MYO1D: variants seen among roughly 807,000 people sequenced by gnomAD.
MYO1D encodes the protein myosin ID.
In MYO1D, 83 loss-of-function variants were observed where a neutral mutation model predicts 122.0. The observed-to-expected ratio is 0.68, with a 90% CI of 0.57 to 0.82. The LOEUF (loss-of-function observed/expected upper bound fraction) is 0.82. Among genes scored for constraint, MYO1D ranks in the 40% least tolerant of loss-of-function variants. The pLI is 0.00. For synonymous variants in MYO1D, 464 were observed against 446.9 expected, an observed-to-expected ratio of 1.04 and a Z score of -0.48; for missense variants, 1,157 against 1,269.5, an observed-to-expected ratio of 0.91 and a Z score of 1.35.
chr17:32,688,942 T>G (rs2089058767), intron 16 of MYO1D, among the ~76,000 whole-genome samples: 1 of 151,880 alleles, frequency 6.6e-6, no homozygotes. Context: ...TGTGTGTGTG[T>G]GTGTGTATGT....
At chr17:32,792,721 T>A (rs76053970) in intron 1 of MYO1D, 1 of 152,254 alleles carries the variant, frequency 6.6e-6, no homozygotes, top group Admixed American at 6.5e-5. Flanking sequence ...TAGCTCACTG[T>A]AACTTCAAAC....
At chr17:32,589,185 C>T (rs2087416637) in intron 21 of MYO1D, among the ~76,000 whole-genome samples, 1 of 152,190 alleles carries the variant, frequency 6.6e-6, no homozygotes, top group Non-Finnish European at 1.5e-5. Context: ...CACAAGGTGG[C>T]CGGCCTCGTG....
chr17:32,571,139 C>T (rs1035107844), intron 21 of MYO1D, among the ~76,000 whole-genome samples: 15 of 152,002 alleles, frequency 9.9e-5, no homozygotes, highest in Non-Finnish European at 2.9e-5. Flanking sequence ...ACCACTGGTG[C>T]TAGAGTAGGT....
In MYO1D at chr17:32,675,948, T is replaced by C. The variant is rs144103406; in HGVS notation, c.2122-16610A>G. 3.4e-3 allele frequency among the ~76,000 whole-genome samples: 514 copies of C among 152,326 alleles called. 3 individuals carry two copies. The highest frequency in any genetic ancestry group is 0.012 in the African/African-American group (486 of 41,586). On this transcript the variant is annotated intron_variant, in intron 16 of 21. Coordinates refer to ENST00000318217, the MANE Select transcript of MYO1D (RefSeq NM_015194.3). ...TTGATATATCAGAAATATTTTCCCA[T>C]GTGATCAAATATCCTCCTATGATGT...
intron 17 of MYO1D, 69 bp from the exon 18 acceptor site, chr17:32,654,690 T>C: frequency 7.1e-7 from 1 of 1,409,338 alleles, no homozygotes; most frequent in Non-Finnish European, 9.4e-7. Context: ...CTCTCTTTTT[T>C]TTTTTCTTTT....
intron 21 of MYO1D, among the ~76,000 whole-genome samples, chr17:32,538,064 C>T (rs1285644276): frequency 6.6e-6 from 1 of 152,050 alleles, no homozygotes; most frequent in Non-Finnish European, 1.5e-5. Flanking sequence ...AACTGGGAAG[C>T]TCCTTACTCT....
At chr17:32,661,080 A>G (rs1368440256) in intron 16 of MYO1D, among the ~76,000 whole-genome samples, 2 of 152,172 alleles carry the variant, frequency 1.3e-5, no homozygotes, top group Admixed American at 6.5e-5. Context: ...TCTTTAGCAA[A>G]TTGAAAAAAA....
intron 21 of MYO1D, among the ~76,000 whole-genome samples, chr17:32,541,844 G>C (rs935386034): frequency 5.3e-5 from 8 of 151,772 alleles, no homozygotes; most frequent in African/African-American, 1.7e-4. Context: ...GTGCTTCCCC[G>C]CCCCACCCCC....
chr17:32,534,760 C>G (rs1386276350), intron 21 of MYO1D, among the ~76,000 whole-genome samples: 1 of 152,122 alleles, frequency 6.6e-6, no homozygotes, highest in Non-Finnish European at 1.5e-5. Context: ...GCTTCCATTA[C>G]TGAAGAAATC....
intron 21 of MYO1D, among the ~76,000 whole-genome samples, chr17:32,591,298 G>A (rs769065562): frequency 2.0e-5 from 3 of 152,246 alleles, no homozygotes; most frequent in Non-Finnish European, 4.4e-5. Context: ...TTTGTGTATA[G>A]CAGGTGGGAC....
At chr17:32,587,453 A>G (rs1360392532) in intron 21 of MYO1D, among the ~76,000 whole-genome samples, 1 of 151,464 alleles carries the variant, frequency 6.6e-6, no homozygotes, top group Non-Finnish European at 1.5e-5. Flanking sequence ...TGGGGGTTGC[A>G]GTGAGCCAAG....
At chr17:32,608,845 G>A (rs2087663087) in intron 20 of MYO1D, among the ~76,000 whole-genome samples, 1 of 152,160 alleles carries the variant, frequency 6.6e-6, no homozygotes, top group Non-Finnish European at 1.5e-5. Flanking sequence ...ACAGATTACT[G>A]ACATGCAACA....
At chr17:32,817,007 T>C (rs1567656020) in intron 1 of MYO1D, among the ~76,000 whole-genome samples, 1 of 152,228 alleles carries the variant, frequency 6.6e-6, no homozygotes, top group Non-Finnish European at 1.5e-5. Context: ...TAACTACTTG[T>C]ACCTCAAATT....
intron 21 of MYO1D, among the ~76,000 whole-genome samples, chr17:32,565,008 T>C (rs1489991424): frequency 1.5e-5 from 2 of 129,584 alleles, no homozygotes; most frequent in Non-Finnish European, 3.2e-5. Context: ...AAGAAAATAC[T>C]TTTTTTCTTT....
intron 16 of MYO1D, among the ~76,000 whole-genome samples, chr17:32,693,648 AATGAGATATC>A (rs1343610612): frequency 5.3e-5 from 8 of 152,216 alleles, no homozygotes; most frequent in Admixed American, 4.6e-4. Context: ...TTGCCTTAGT[AATGAGATATC>A]ACCCAGGCAA....
At chr17:32,508,738 A>C (rs915903567) in intron 21 of MYO1D, among the ~76,000 whole-genome samples, 3 of 152,230 alleles carry the variant, frequency 2.0e-5, no homozygotes, top group Non-Finnish European at 4.4e-5. Flanking sequence ...AAAGAGCCTA[A>C]GGACCTGCCT....
At chr17:32,595,912 G>A (rs917145245) in intron 21 of MYO1D, among the ~76,000 whole-genome samples, 4 of 152,146 alleles carry the variant, frequency 2.6e-5, no homozygotes, top group African/African-American at 7.2e-5. Flanking sequence ...AGGACAGTCA[G>A]GGAAGACCTG....
intron 21 of MYO1D, among the ~76,000 whole-genome samples, chr17:32,511,325 G>A (rs1485472805): frequency 6.6e-6 from 1 of 152,034 alleles, no homozygotes; most frequent in East Asian, 1.9e-4. Context: ...CCGAGCTCAA[G>A]CAATCCTTCC....
At chr17:32,771,001 G>T (rs140120973) in intron 6 of MYO1D, 124 bp downstream of exon 6, 2 of 550,616 alleles carry the variant, frequency 3.6e-6, no homozygotes, top group East Asian at 6.5e-5. Context: ...TTAAAAAATA[G>T]AACAGGATAA....
Sources: gnomAD v4.1 joint callset for allele counts (sites outside exome capture counted in the v4.1 genomes callset) on GRCh38, gnomAD v4.1.1 for gene constraint, MANE v1.5 for transcripts, NCBI Gene and HGNC (gene_info 2026-07-23, HGNC 2026-07-21) for gene names.